The following KCNAB1 variants were observed in gnomAD, a reference collection of about 807,000 sequenced individuals.
The protein encoded by KCNAB1 is voltage-gated potassium channel subunit beta-1.
A neutral mutation model predicts 64.6 loss-of-function variants in KCNAB1; 35 were observed. The ratio of observed to expected loss-of-function variants is 0.54; its 90% CI spans 0.41 to 0.72. The LOEUF (loss-of-function observed/expected upper bound fraction) is 0.72. Ranked by LOEUF, KCNAB1 falls within the 30% of genes least tolerant of loss-of-function variation. The probability of loss-of-function intolerance (pLI) is 0.00; values close to 1 mark genes in which losing one functional copy is unlikely to be tolerated. For synonymous variants in KCNAB1, 177 were observed against 183.8 expected (o/e 0.96, Z 0.30); for missense variants, 401 against 512.9 (o/e 0.78, Z 2.11).
At chr3:156,215,666 T>G (rs1205133583) in intron 1 of KCNAB1, 7 of 152,228 alleles carry the variant, frequency 4.6e-5, no homozygotes, top group African/African-American at 1.7e-4. Context: ...GCAGCTTGAC[T>G]GAAGACCCTG....
rs879918422 is a variant in KCNAB1 at position 156,281,858 on chromosome 3, TTTTC to T, written c.276-139754_276-139751del. Among the ~76,000 whole-genome samples the T allele has an allele frequency of 6.4e-3, 951 of 149,582 alleles. 3 individuals carry two copies. Among genetic ancestry groups the T allele is most frequent in the Middle Eastern group, 0.017 (5 of 294 alleles). On this transcript the variant is annotated intron_variant, in intron 1 of 13. Coordinates refer to ENST00000490337, the MANE Select transcript of KCNAB1 (RefSeq NM_172160.3). ...GCGTCTATTTGATTCTTCTCTCTTT[TTTTC>T]TTTATTAGTCTTGCTAGCGGTCTAT...
At chr3:156,390,533 T>TTTCCTTCCTTCC (rs149026130) in intron 1 of KCNAB1, among the ~76,000 whole-genome samples, 36,154 of 150,798 alleles carry the variant, frequency 0.24, 5,377 homozygotes, top group African/African-American at 0.42. Flanking sequence ...TTGTGGTTGG[T>TTTCCTTCCTTCC]TTCCTTCCTT....
At chr3:156,525,843 A>C (rs1443887625) in intron 12 of KCNAB1, among the ~76,000 whole-genome samples, 2 of 152,242 alleles carry the variant, frequency 1.3e-5, no homozygotes, top group Non-Finnish European at 2.9e-5. Flanking sequence ...AAGTTTATAA[A>C]GTAAAAATGT....
chr3:156,427,516 A>C (rs1715899391), intron 2 of KCNAB1, among the ~76,000 whole-genome samples: 1 of 152,216 alleles, frequency 6.6e-6, no homozygotes, highest in African/African-American at 2.4e-5. Context: ...GGCTAGTAGC[A>C]GGTATTCAAA....
chr3:156,316,170 A>C (rs2108015929), intron 1 of KCNAB1, among the ~76,000 whole-genome samples: 1 of 152,328 alleles, frequency 6.6e-6, no homozygotes, highest in Admixed American at 6.5e-5. Context: ...TAAGTGGAAC[A>C]AGTCTTATTT....
At chr3:156,209,277 C>G (rs1480032636) in intron 1 of KCNAB1, among the ~76,000 whole-genome samples, 2 of 152,136 alleles carry the variant, frequency 1.3e-5, no homozygotes, top group Non-Finnish European at 2.9e-5. Context: ...GTACTCTAGG[C>G]AGAGCAAATA....
chr3:156,199,297 G>T (rs1714173138), intron 1 of KCNAB1, among the ~76,000 whole-genome samples: 1 of 152,024 alleles, frequency 6.6e-6, no homozygotes, highest in Non-Finnish European at 1.5e-5. Flanking sequence ...TATGTGTCTT[G>T]GGGTTGCTTT....
intron 1 of KCNAB1, among the ~76,000 whole-genome samples, chr3:156,225,124 A>C (rs1176998163): frequency 2.6e-5 from 4 of 152,202 alleles, no homozygotes; most frequent in Non-Finnish European, 5.9e-5. Flanking sequence ...CAAAAAAAGA[A>C]AACTACAGAC....
chr3:156,137,007 A>G (rs1012711884), intron 1 of KCNAB1, among the ~76,000 whole-genome samples: 2 of 151,950 alleles, frequency 1.3e-5, no homozygotes, highest in Non-Finnish European at 2.9e-5. Flanking sequence ...ACCAATAAAT[A>G]CGCTCATTTT....
At position 156,522,001 on chromosome 3, in the gene KCNAB1, ATGTG is replaced by A. The variant is rs1352466018; in HGVS notation, c.961-1820_961-1817del. 2.0e-5 allele frequency among the ~76,000 whole-genome samples: 3 copies of A among 147,374 alleles called. No individual in the cohort carries two copies. The East Asian group carries it at 6.0e-4, about 30-fold the overall frequency. On this transcript the variant is annotated intron_variant, in intron 11 of 13. Transcript: ENST00000490337. ...AAGTCTGTCTCTGAAAATGGTGTGT[ATGTG>A]TGTGTCACACACATACACATATACA...
intron 2 of KCNAB1, among the ~76,000 whole-genome samples, chr3:156,435,603 A>G (rs1195578364): frequency 6.6e-6 from 1 of 152,228 alleles, no homozygotes; most frequent in Non-Finnish European, 1.5e-5. Flanking sequence ...GAACCACATC[A>G]TCTAGCCACC....
chr3:156,292,259 A>G (rs1354135150), intron 1 of KCNAB1: 6 of 1,018,178 alleles, frequency 5.9e-6, no homozygotes, highest in Admixed American at 2.2e-5. Context: ...AGGTGGTTCT[A>G]AAATAGCTCT....
intron 1 of KCNAB1, among the ~76,000 whole-genome samples, chr3:156,384,860 A>T (rs1712462295): frequency 6.6e-6 from 1 of 152,148 alleles, no homozygotes; most frequent in Admixed American, 6.6e-5. Flanking sequence ...GAAGGAGGGC[A>T]CCTGAAGGGG....
intron 1 of KCNAB1, among the ~76,000 whole-genome samples, chr3:156,238,421 CAAAAAAAAAA>C (rs745633828): frequency 1.4e-5 from 1 of 71,802 alleles, no homozygotes; most frequent in East Asian, 4.1e-4. Context: ...GACTTGGTCT[CAAAAAAAAAA>C]AAAAAAAAAA....
intron 1 of KCNAB1, among the ~76,000 whole-genome samples, chr3:156,161,727 A>G (rs999166079): frequency 6.6e-6 from 1 of 152,250 alleles, no homozygotes; most frequent in Non-Finnish European, 1.5e-5. Flanking sequence ...TTGTGACTTT[A>G]CACTTTACAT....
At chr3:156,493,424 A>G (rs1320304437) in intron 8 of KCNAB1, among the ~76,000 whole-genome samples, 1 of 152,012 alleles carries the variant, frequency 6.6e-6, no homozygotes. Flanking sequence ...TGTTGTATGT[A>G]CTTTTGTCTA....
rs191929052 is a variant in KCNAB1 at position 156,285,938 on chromosome 3, T to C, written c.276-135678T>C. Reference sequence around the variant, plus strand: ...TTCAGGAAATAATCATTAGTGGCTGTAGATATAGTTTAAATGTTAATTGGA... The same window carrying C: ...TTCAGGAAATAATCATTAGTGGCTGCAGATATAGTTTAAATGTTAATTGGA... On this transcript the variant is annotated intron_variant, in intron 1 of 13. Coordinates refer to ENST00000490337, the MANE Select transcript of KCNAB1 (RefSeq NM_172160.3). 9.2e-3 allele frequency among the ~76,000 whole-genome samples: 1,402 copies of C among 152,368 alleles called. 18 individuals are homozygous for C. The highest frequency in any genetic ancestry group is 0.032 in the African/African-American group (1,343 of 41,594).
At chr3:156,490,722 A>G (rs569261751) in intron 8 of KCNAB1, among the ~76,000 whole-genome samples, 18 of 152,262 alleles carry the variant, frequency 1.2e-4, no homozygotes, top group African/African-American at 4.1e-4. Flanking sequence ...CGAGTCCAAC[A>G]TCTTTTCAAC....
intron 12 of KCNAB1, among the ~76,000 whole-genome samples, chr3:156,524,832 A>G (rs1320047260): frequency 3.3e-5 from 5 of 151,456 alleles, no homozygotes; most frequent in Non-Finnish European, 7.4e-5. Flanking sequence ...ACCACATTCA[A>G]TCATGGGTGT....
Sources: allele counts gnomAD v4.1 joint callset (sites outside exome capture counted in the v4.1 genomes callset), GRCh38; gene constraint gnomAD v4.1.1; transcripts MANE v1.5; gene names NCBI Gene and HGNC (gene_info 2026-07-23, HGNC 2026-07-21).